RGS12: variants seen among roughly 807,000 people sequenced by gnomAD.
RGS12 encodes regulator of G protein signaling 12.
Under a neutral mutation model 120.1 loss-of-function variants are expected in RGS12, and 66 were observed. The ratio of observed to expected loss-of-function variants is 0.55; its 90% CI spans 0.45 to 0.67. RGS12 has a LOEUF of 0.67. Among genes scored for constraint, RGS12 ranks in the 30% least tolerant of loss-of-function variants. The pLI, the probability that RGS12 is intolerant of heterozygous loss-of-function variation, is 0.00. For missense variants in RGS12, 1,859 were observed against 1,957.7 expected, an observed-to-expected ratio of 0.95 and a Z score of 0.95; for synonymous variants, 827 against 804.7, an observed-to-expected ratio of 1.03 and a Z score of -0.47.
chr4:3,420,562 A>C (rs150664675), intron 9 of RGS12, 80 bp from the exon 10 acceptor site: 3 of 1,428,960 alleles, frequency 2.1e-6, no homozygotes, highest in African/African-American at 1.4e-5. Flanking sequence ...TGCTCAGCCT[A>C]AAGGGGGCAG....
chr4:3,343,620 T>C (rs1211848407), intron 3 of RGS12, among the ~76,000 whole-genome samples: 1 of 151,936 alleles, frequency 6.6e-6, no homozygotes, highest in Non-Finnish European at 1.5e-5. Flanking sequence ...TTAGCTTAGG[T>C]CCGCAGCTCA....
At chr4:3,428,217 GC>G in intron 15 of RGS12, 48 bp downstream of exon 15, 2 of 1,499,872 alleles carry the variant, frequency 1.3e-6, no homozygotes, top group Non-Finnish European at 1.9e-6. Flanking sequence ...TCTCGCTGTG[GC>G]CCCCGCCTGC....
chr4:3,287,922 C>G, the RGS12 span, among the ~76,000 whole-genome samples: 2 of 152,160 alleles, frequency 1.3e-5, no homozygotes, highest in African/African-American at 2.4e-5. Context: ...ACTCACCGGG[C>G]CCCACACAAA....
In RGS12 at chr4:3,347,220, G is replaced by A. The variant is rs528019231; in HGVS notation, c.1998+4167G>A. On this transcript the variant is annotated intron_variant, in intron 3 of 17. Transcript: ENST00000336727. ...AGCACTTTGGGAGGCTGAGGTGGGC[G>A]GATCACAAGGTCAGGAGATCGAGAC... is the stretch of plus-strand genomic sequence containing the variant. 2.0e-5 allele frequency among the ~76,000 whole-genome samples: 3 copies of A among 152,232 alleles called. No homozygotes were observed. The East Asian group carries it at 5.8e-4, about 29-fold the overall frequency.
At position 3,318,586 on chromosome 4, in the gene RGS12, C is replaced by T. The variant is rs552292920; in HGVS notation, c.1881+535C>T. The stretch of plus-strand genomic sequence containing the variant: ...GCAGTGGGCCTGGGGAGCCCCACGC[C>T]GCCTGCTCACTGAGGGGTACCTCAA... On this transcript the variant is annotated intron_variant, in intron 2 of 17. Transcript: ENST00000336727. 2.0e-4 allele frequency among the ~76,000 whole-genome samples: 31 copies of T among 152,352 alleles called. 1 individual carries two copies. Among genetic ancestry groups the T allele is most frequent in the African/African-American group, 6.5e-4 (27 of 41,578 alleles).
chr4:3,339,443 C>G (rs1352353622), intron 2 of RGS12, among the ~76,000 whole-genome samples: 1 of 152,118 alleles, frequency 6.6e-6, no homozygotes, highest in East Asian at 1.9e-4. Context: ...GATCATACCT[C>G]TCCCTCCGGC....
chr4:3,436,744 C>T (rs771199754), intron 17 of RGS12, among the ~76,000 whole-genome samples: 21 of 152,236 alleles, frequency 1.4e-4, no homozygotes, highest in African/African-American at 2.4e-4. Flanking sequence ...GGCCTGGGGG[C>T]GACCGGCAGC....
chr4:3,355,391 G>A (rs1714770614), intron 3 of RGS12, among the ~76,000 whole-genome samples: 1 of 152,178 alleles, frequency 6.6e-6, no homozygotes. Flanking sequence ...GTCCTGGTTA[G>A]TGTACTAAGA....
At chr4:3,288,153 G>T (rs1018881323), upstream of RGS12, among the ~76,000 whole-genome samples, 2 of 152,212 alleles carry the variant, frequency 1.3e-5, no homozygotes, top group Non-Finnish European at 2.9e-5. The surrounding 1 kb of genome is among the most constrained non-coding windows in gnomAD (Gnocchi z 5.2). Flanking sequence ...AACTACTGCC[G>T]CATGGGGAGT....
At chr4:3,427,668 G>A (rs936747724) in intron 14 of RGS12, among the ~76,000 whole-genome samples, 9 of 152,296 alleles carry the variant, frequency 5.9e-5, no homozygotes, top group Non-Finnish European at 8.8e-5. Context: ...CCCAGGATGC[G>A]GGGGTTGCAG....
chr4:3,331,499 A>G (rs1473507789), intron 2 of RGS12, among the ~76,000 whole-genome samples: 1 of 152,230 alleles, frequency 6.6e-6, no homozygotes, highest in Admixed American at 6.5e-5. Context: ...CTGTACTTAC[A>G]TGGTGTAGCC....
rs1417547154 is a variant in RGS12 at position 3,317,154 on chromosome 4, G to C, written c.984G>C (p.Glu328Asp). Reference sequence around the variant, plus strand: ...ATGACGACGGGAGCCTGGCCCAGGAGGAGGAGGGCGCCCTGCGGACTTCCT... The same window carrying C: ...ATGACGACGGGAGCCTGGCCCAGGACGAGGAGGGCGCCCTGCGGACTTCCT... ...QTNDDGSLAQEEEGALRTSCH... is the reference protein window; with the variant it reads ...QTNDDGSLAQDEEGALRTSCH... The change falls in exon 2 of 18, where the codon GAG becomes GAC. Residue 328 changes from glutamate to aspartate, a missense_variant. Coordinates refer to ENST00000336727, the MANE Select transcript of RGS12 (RefSeq NM_001394154.1). The C allele has an allele frequency of 6.2e-7, 1 of 1,613,364 alleles. No individual in the cohort carries two copies. Among genetic ancestry groups the C allele is most frequent in the African/African-American group, 1.3e-5 (1 of 75,048 alleles).
chr4:3,338,997 G>T (rs1246858051), intron 2 of RGS12, among the ~76,000 whole-genome samples: 1 of 152,134 alleles, frequency 6.6e-6, no homozygotes, highest in Non-Finnish European at 1.5e-5. Flanking sequence ...TCTGTTACTG[G>T]CCCTCGTTCC....
In RGS12 at chr4:3,316,937, G is replaced by A. The variant is rs750696918; in HGVS notation, c.767G>A (p.Arg256His). 11 of 1,613,908 alleles carry A rather than the reference G, an allele frequency of 6.8e-6. No individual in the cohort carries two copies. The highest frequency in any genetic ancestry group is 1.3e-5 in the African/African-American group (1 of 75,062). Reference protein sequence around the residue: ...NLESDSLQAIRGCMRRLRAEQ... With the variant: ...NLESDSLQAIHGCMRRLRAEQ... Reference sequence around the variant, plus strand: ...GAGTCCGACAGCTTGCAAGCCATCCGCGGCTGCATGCGGCGCCTGCGGGCA... The same window carrying A: ...GAGTCCGACAGCTTGCAAGCCATCCACGGCTGCATGCGGCGCCTGCGGGCA... Residue 256 changes from arginine to histidine, a missense_variant, in exon 2 of 18, where the codon CGC (arginine) becomes CAC (histidine). Coordinates refer to ENST00000336727, the MANE Select transcript of RGS12 (RefSeq NM_001394154.1).
chr4:3,342,302 C>A, intron 2 of RGS12: 1 of 741,418 alleles, frequency 1.3e-6, no homozygotes, highest in Non-Finnish European at 1.7e-6. Context: ...CTGGAGCCAG[C>A]TTCTCATCTG....
intron 3 of RGS12, among the ~76,000 whole-genome samples, chr4:3,356,240 A>G (rs1714889641): frequency 6.6e-6 from 1 of 151,766 alleles, no homozygotes. Flanking sequence ...TTTTTTGTAG[A>G]GACAGGGTTT....
intron 6 of RGS12, 104 bp from the exon 7 acceptor site, chr4:3,415,874 C>G: frequency 8.1e-7 from 1 of 1,238,414 alleles, no homozygotes; most frequent in Non-Finnish European, 1.1e-6. Context: ...TACTGGGGCC[C>G]GTGAGAACAC....
intron 2 of RGS12, among the ~76,000 whole-genome samples, chr4:3,339,290 T>A (rs754023214): frequency 1.3e-5 from 2 of 152,150 alleles, no homozygotes; most frequent in Non-Finnish European, 2.9e-5. Flanking sequence ...CAGCTCAGCC[T>A]GGGCAACATA....
At chr4:3,435,327 C>T (rs1255426323) in intron 17 of RGS12, among the ~76,000 whole-genome samples, 1 of 152,136 alleles carries the variant, frequency 6.6e-6, no homozygotes, top group Non-Finnish European at 1.5e-5. Flanking sequence ...CTGGCTCCTG[C>T]TCTGTCCAAG....
Sources: allele counts gnomAD v4.1 joint callset (sites outside exome capture counted in the v4.1 genomes callset), GRCh38; gene constraint gnomAD v4.1.1; non-coding constraint Gnocchi (gnomAD v3.1); transcripts MANE v1.5; gene names NCBI Gene and HGNC (gene_info 2026-07-23, HGNC 2026-07-21).